The following CACNA1C variants were observed in gnomAD, a reference collection of about 807,000 sequenced individuals.
CACNA1C encodes the protein voltage-dependent L-type calcium channel subunit alpha-1C.
In CACNA1C, 30 loss-of-function variants were observed where a neutral mutation model predicts 229.0. The ratio of observed to expected loss-of-function variants is 0.13; its 90% CI spans 0.10 to 0.18. The LOEUF (loss-of-function observed/expected upper bound fraction) is 0.18, where lower values mean the gene tolerates loss of function less well. CACNA1C is among the 10% of genes least tolerant of loss of function. CACNA1C has a pLI of 1.00. For missense variants in CACNA1C, 1,658 were observed against 2,845.0 expected (o/e 0.58, Z 9.49); for synonymous variants, 1,114 against 1,132.5 (o/e 0.98, Z 0.33).
At position 2,566,189 on chromosome 12, in the gene CACNA1C, A is replaced by G. The variant is rs1382394878; in HGVS notation, c.1509-233A>G. Among the ~76,000 whole-genome samples the G allele has an allele frequency of 2.6e-5, 4 of 152,220 alleles. No homozygotes were observed. Among genetic ancestry groups the G allele is most frequent in the Admixed American group, 2.0e-4 (3 of 15,290 alleles). ...TTTGATCCATCCCCACAATAACCCC[A>G]TGAGGTCGGCCCTCTTCCCGGGAGA... is the stretch of plus-strand genomic sequence containing the variant. On this transcript the variant is annotated intron_variant, in intron 11 of 46. Transcript: ENST00000399655. The surrounding 1 kb of genome is among the most constrained non-coding windows in gnomAD (Gnocchi z 4.0).
intron 3 of CACNA1C, among the ~76,000 whole-genome samples, chr12:2,327,765 G>A (rs2096383730): frequency 6.6e-6 from 1 of 152,210 alleles, no homozygotes; most frequent in Non-Finnish European, 1.5e-5. Context: ...CTTGCCAAAA[G>A]CAAAACGAAA....
intron 29 of CACNA1C, among the ~76,000 whole-genome samples, chr12:2,626,250 G>A (rs910598966): frequency 4.6e-5 from 7 of 152,312 alleles, no homozygotes; most frequent in South Asian, 4.1e-4. Flanking sequence ...AGGAGCACTC[G>A]CCCACTAGGT....
At chr12:2,672,817 G>A (rs375524682) in intron 38 of CACNA1C, among the ~76,000 whole-genome samples, 2 of 152,198 alleles carry the variant, frequency 1.3e-5, no homozygotes, top group Non-Finnish European at 2.9e-5. Flanking sequence ...GCCCAGTACC[G>A]AAGCTAAGTA....
chr12:2,434,048 A>G (rs572924448), intron 3 of CACNA1C, among the ~76,000 whole-genome samples: 22 of 152,256 alleles, frequency 1.4e-4, no homozygotes, highest in Non-Finnish European at 2.8e-4. Flanking sequence ...ATACATGGAC[A>G]TGGCAAGGGC....
chr12:2,435,482 G>A (rs1224530504), intron 3 of CACNA1C, among the ~76,000 whole-genome samples: 1 of 152,220 alleles, frequency 6.6e-6, no homozygotes, highest in African/African-American at 2.4e-5. Flanking sequence ...GGCCGTCCGT[G>A]TTGAGGATAC....
At chr12:2,101,586 G>T (rs1002289696) in intron 1 of CACNA1C, among the ~76,000 whole-genome samples, 3 of 152,202 alleles carry the variant, frequency 2.0e-5, no homozygotes, top group Non-Finnish European at 2.9e-5. Context: ...AGCCTCTGCT[G>T]CAGGGACCAC....
intron 3 of CACNA1C, among the ~76,000 whole-genome samples, chr12:2,121,226 G>A (rs2086575260): frequency 6.6e-6 from 1 of 152,150 alleles, no homozygotes; most frequent in South Asian, 2.1e-4. Context: ...ATTTCCACAT[G>A]GCGTGTTTGG....
At chr12:2,290,140 TCAATGTTTTAATTGGCCCGGCAGAG>T (rs1340332720) in intron 3 of CACNA1C, among the ~76,000 whole-genome samples, 1 of 152,184 alleles carries the variant, frequency 6.6e-6, no homozygotes, top group Non-Finnish European at 1.5e-5. Flanking sequence ...CTCTGAAGAT[TCAATGTTTTAATTGGCCCGGCAGAG>T]CTGGAGTCCA....
At chr12:2,206,285 T>A (rs999022575) in intron 3 of CACNA1C, among the ~76,000 whole-genome samples, 8 of 152,158 alleles carry the variant, frequency 5.3e-5, no homozygotes, top group Non-Finnish European at 1.2e-4. Context: ...TGGATTTGTA[T>A]TTTCAGAAGT....
In CACNA1C at chr12:2,585,867, T is replaced by C. The variant is rs571245393; in HGVS notation, c.2493T>C (p.Asn831=). Residue 831 remains asparagine, a synonymous_variant, in exon 18 of 47, where the codon AAT becomes AAC. Coordinates refer to ENST00000399655, the MANE Select transcript of CACNA1C (RefSeq NM_000719.7). This position sits in a 1 kb window ranked among gnomAD's most constrained non-coding sequence, Gnocchi z 4.1. ...INMDDLQPNE[N]EDKSPYPNPE... ...TGGATGACCTCCAGCCCAATGAAAATGAGGATAAGAGCCCCTACCCCAACC... is the reference window on the plus strand; with the variant it reads ...TGGATGACCTCCAGCCCAATGAAAACGAGGATAAGAGCCCCTACCCCAACC... 2.5e-6 allele frequency: 4 copies of C among 1,608,762 alleles called. No homozygotes were observed. In the African/African-American group the frequency reaches 4.0e-5, roughly 16 times the overall value.
intron 3 of CACNA1C, among the ~76,000 whole-genome samples, chr12:2,361,427 A>G (rs1282583808): frequency 6.6e-6 from 1 of 152,164 alleles, no homozygotes; most frequent in Non-Finnish European, 1.5e-5. Context: ...TGTAGGCTAT[A>G]ATTTAAGGAA....
intron 29 of CACNA1C, among the ~76,000 whole-genome samples, chr12:2,628,178 C>A (rs545439023): frequency 6.6e-6 from 1 of 152,146 alleles, no homozygotes; most frequent in Non-Finnish European, 1.5e-5. Flanking sequence ...GCGAAGGACT[C>A]GGAATTGAAG....
intron 3 of CACNA1C, among the ~76,000 whole-genome samples, chr12:2,406,283 T>A (rs1474742339): frequency 6.6e-6 from 1 of 152,220 alleles, no homozygotes; most frequent in Non-Finnish European, 1.5e-5. Context: ...GCTTCTTGAA[T>A]CTGTAGGTTT....
At chr12:2,429,882 G>A (rs1312987724) in intron 3 of CACNA1C, among the ~76,000 whole-genome samples, 5 of 152,212 alleles carry the variant, frequency 3.3e-5, no homozygotes, top group Admixed American at 3.3e-4. Context: ...GAGTAGGAGA[G>A]GAGGCTGTGC....
chr12:2,126,752 G>A (rs1383042358), intron 3 of CACNA1C, among the ~76,000 whole-genome samples: 2 of 152,160 alleles, frequency 1.3e-5, no homozygotes, highest in African/African-American at 2.4e-5. Context: ...TGTAAAATTG[G>A]GGCAACCAGA....
intron 42 of CACNA1C, chr12:2,682,104 A>G: frequency 9.5e-7 from 1 of 1,052,108 alleles, no homozygotes; most frequent in Non-Finnish European, 1.5e-6. Flanking sequence ...TGTCAGAATC[A>G]AGGGCACCAT....
chr12:2,565,424 G>A (rs531466541), intron 11 of CACNA1C, among the ~76,000 whole-genome samples: 30 of 149,008 alleles, frequency 2.0e-4, no homozygotes, highest in Non-Finnish European at 3.1e-4. Flanking sequence ...CCGAGATTGC[G>A]CCACTGCAGT....
chr12:1,987,030 C>A (rs929973616), intron 1 of CACNA1C, among the ~76,000 whole-genome samples: 3 of 152,150 alleles, frequency 2.0e-5, no homozygotes, highest in Non-Finnish European at 2.9e-5. Context: ...AGAGAAGCTA[C>A]AGAACCACTC....
rs540142975 is a variant in CACNA1C at position 2,630,345 on chromosome 12, G to A, written c.3829-3952G>A. ...AACCGAGGGGGCGGGCAAAAACAGA[G>A]AGAAGAGAGATGAGACAGCATCAAG... On this transcript the variant is annotated intron_variant, in intron 29 of 46. Transcript: ENST00000399655. The surrounding 1 kb of genome is among the most constrained non-coding windows in gnomAD (Gnocchi z 5.4). Among the ~76,000 whole-genome samples the A allele has an allele frequency of 6.6e-6, 1 of 152,246 alleles. No individual in the cohort carries two copies. The highest frequency in any genetic ancestry group is 2.1e-4 in the South Asian group (1 of 4,816).
Sources: gnomAD v4.1 joint callset for allele counts (sites outside exome capture counted in the v4.1 genomes callset) on GRCh38, gnomAD v4.1.1 for gene constraint, Gnocchi (gnomAD v3.1) non-coding constraint, MANE v1.5 for transcripts, NCBI Gene and HGNC (gene_info 2026-07-23, HGNC 2026-07-21) for gene names.